WWP2: variants seen among roughly 807,000 people sequenced by gnomAD.
WWP2 encodes the protein WW domain containing E3 ubiquitin protein ligase 2, also known as NEDD4-like E3 ubiquitin-protein ligase WWP2.
A neutral mutation model predicts 121.0 loss-of-function variants in WWP2; 57 were observed. The ratio of observed to expected loss-of-function variants is 0.47; its 90% CI spans 0.38 to 0.59. The LOEUF (loss-of-function observed/expected upper bound fraction) is 0.59, where lower values mean the gene tolerates loss of function less well. Ranked by LOEUF, WWP2 falls within the 20% of genes least tolerant of loss-of-function variation. The probability of loss-of-function intolerance (pLI) is 0.00; values close to 1 mark genes in which losing one functional copy is unlikely to be tolerated. For synonymous variants in WWP2, 449 were observed against 441.3 expected (o/e 1.02, Z -0.22); for missense variants, 962 against 1,158.9 (o/e 0.83, Z 2.47).
chr16:69,816,654 ATCAG>A (rs1168788387), intron 4 of WWP2, among the ~76,000 whole-genome samples: 4 of 152,106 alleles, frequency 2.6e-5, no homozygotes, highest in African/African-American at 7.2e-5. Context: ...CTTCGTATGT[ATCAG>A]TCATTTTTCT....
At chr16:69,920,641 C>T (rs2058546790) in intron 10 of WWP2, among the ~76,000 whole-genome samples, 1 of 151,842 alleles carries the variant, frequency 6.6e-6, no homozygotes, top group Non-Finnish European at 1.5e-5. Flanking sequence ...AAAATGGAAC[C>T]GAATGTTGTG....
chr16:69,819,333 C>G (rs563297980), intron 4 of WWP2, among the ~76,000 whole-genome samples: 2 of 152,334 alleles, frequency 1.3e-5, no homozygotes, highest in African/African-American at 2.4e-5. Flanking sequence ...TATGAGCCCA[C>G]CGGCCCCCTG....
At chr16:69,919,540 C>A (rs139600416) in intron 10 of WWP2, among the ~76,000 whole-genome samples, 2 of 152,112 alleles carry the variant, frequency 1.3e-5, no homozygotes, top group Non-Finnish European at 2.9e-5. Flanking sequence ...TCTCCTATAC[C>A]GTGTCCCTGT....
At chr16:69,889,160 C>T (rs923237234) in intron 8 of WWP2, among the ~76,000 whole-genome samples, 3 of 152,032 alleles carry the variant, frequency 2.0e-5, no homozygotes, top group Non-Finnish European at 4.4e-5. Context: ...CACACACACA[C>T]ACACACACAC....
intron 4 of WWP2, among the ~76,000 whole-genome samples, chr16:69,837,307 C>T (rs1042021311): frequency 6.6e-6 from 1 of 152,126 alleles, no homozygotes; most frequent in African/African-American, 2.4e-5. Context: ...CTCAGGTGAT[C>T]CTCCTACCTC....
chr16:69,763,539 G>T (rs753284803), intron 1 of WWP2, among the ~76,000 whole-genome samples: 2 of 152,212 alleles, frequency 1.3e-5, no homozygotes, highest in Non-Finnish European at 2.9e-5. Context: ...AATGTATTAT[G>T]AGTTCAAGTT....
chr16:69,847,714 T>A (rs560758421), intron 6 of WWP2, among the ~76,000 whole-genome samples: 1 of 152,250 alleles, frequency 6.6e-6, no homozygotes, highest in Non-Finnish European at 1.5e-5. Context: ...GGCCAGGCTC[T>A]TTTTAATAAC....
intron 6 of WWP2, among the ~76,000 whole-genome samples, chr16:69,844,507 T>C (rs1282536276): frequency 6.8e-6 from 1 of 146,202 alleles, no homozygotes; most frequent in Non-Finnish European, 1.5e-5. Flanking sequence ...GATTCAGCTA[T>C]TAACAAGTTT....
chr16:69,769,948 C>G (rs754709887), intron 1 of WWP2, among the ~76,000 whole-genome samples: 53 of 149,996 alleles, frequency 3.5e-4, no homozygotes, highest in African/African-American at 1.3e-3. Context: ...AATCTCGGCT[C>G]GCTGCAGCCT....
At chr16:69,896,129 T>C (rs78371550) in intron 8 of WWP2, among the ~76,000 whole-genome samples, 5,640 of 152,254 alleles carry the variant, frequency 0.037, 292 homozygotes, top group African/African-American at 0.12. Flanking sequence ...GCACTTTCTT[T>C]CCTTTTTTTG....
chr16:69,826,711 C>A (rs1016776817), intron 4 of WWP2, among the ~76,000 whole-genome samples: 3 of 110,940 alleles, frequency 2.7e-5, no homozygotes, highest in African/African-American at 6.8e-5. Flanking sequence ...AACCCTCTCT[C>A]TAATAAAAAT....
intron 2 of WWP2, among the ~76,000 whole-genome samples, chr16:69,790,704 G>A (rs1178291639): frequency 6.6e-6 from 1 of 151,938 alleles, no homozygotes; most frequent in African/African-American, 2.4e-5. Flanking sequence ...GCCTCCCAAG[G>A]AGCTGGGTTT....
chr16:69,863,434 T>A (rs1476663905), intron 6 of WWP2, among the ~76,000 whole-genome samples: 1 of 151,952 alleles, frequency 6.6e-6, no homozygotes, highest in African/African-American at 2.4e-5. Flanking sequence ...AGGTCAGGAC[T>A]TCAAGACCAG....
chr16:69,806,758 T>C (rs1291134231), intron 4 of WWP2, among the ~76,000 whole-genome samples: 4 of 152,164 alleles, frequency 2.6e-5, no homozygotes, highest in Non-Finnish European at 5.9e-5. Flanking sequence ...AAATTTTTGC[T>C]ATTTGTGTGT....
intron 4 of WWP2, among the ~76,000 whole-genome samples, chr16:69,827,166 A>G (rs1811679542): frequency 6.6e-6 from 1 of 151,410 alleles, no homozygotes; most frequent in Non-Finnish European, 1.5e-5. Flanking sequence ...AAAAAAAAAA[A>G]CTACTGTGGA....
intron 6 of WWP2, among the ~76,000 whole-genome samples, chr16:69,844,696 G>A (rs886910270): frequency 5.3e-5 from 8 of 152,172 alleles, no homozygotes; most frequent in Non-Finnish European, 1.0e-4. Context: ...CCCATCACAC[G>A]TGGTAGACAT....
intron 4 of WWP2, among the ~76,000 whole-genome samples, chr16:69,808,958 T>C (rs1180351457): frequency 1.3e-5 from 2 of 152,220 alleles, no homozygotes; most frequent in East Asian, 3.8e-4. Context: ...AGTTTTCTAG[T>C]GTTGTACCAA....
intron 4 of WWP2, among the ~76,000 whole-genome samples, chr16:69,836,908 G>A (rs1366132368): frequency 6.6e-6 from 1 of 152,108 alleles, no homozygotes; most frequent in African/African-American, 2.4e-5. Context: ...TTACAGGCAT[G>A]AGCCACCATG....
chr16:69,832,860 A>G (rs1349309089), intron 4 of WWP2, among the ~76,000 whole-genome samples: 1 of 147,306 alleles, frequency 6.8e-6, no homozygotes, highest in African/African-American at 2.5e-5. Context: ...TTTATTTTTT[A>G]TTTTTATTTT....
Sources: allele counts gnomAD v4.1 joint callset (sites outside exome capture counted in the v4.1 genomes callset), GRCh38; gene constraint gnomAD v4.1.1; transcripts MANE v1.5; gene names NCBI Gene and HGNC (gene_info 2026-07-23, HGNC 2026-07-21).